The following TACR3 variants were observed in gnomAD, a reference collection of about 807,000 sequenced individuals.
The protein encoded by TACR3 is neuromedin-K receptor.
Under a neutral mutation model 35.0 loss-of-function variants are expected in TACR3, and 34 were observed. The observed-to-expected ratio is 0.97, with a 90% CI of 0.74 to 1.30. The LOEUF (loss-of-function observed/expected upper bound fraction) is 1.30. Among genes scored for constraint, TACR3 ranks in the 50% most tolerant of loss-of-function variants. The probability of loss-of-function intolerance (pLI) is 0.00; values close to 1 mark genes in which losing one functional copy is unlikely to be tolerated. For missense variants in TACR3, 558 were observed against 591.7 expected (o/e 0.94, Z 0.59); for synonymous variants, 233 against 221.1 (o/e 1.05, Z -0.48).
intron 3 of TACR3, among the ~76,000 whole-genome samples, chr4:103,652,944 T>C (rs1725654054): frequency 1.3e-5 from 2 of 152,040 alleles, no homozygotes; most frequent in Admixed American, 6.6e-5. Context: ...ATTTTGACTT[T>C]AGATAAAAAG....
intron 1 of TACR3, among the ~76,000 whole-genome samples, chr4:103,663,516 A>T (rs1216317314): frequency 6.8e-6 from 1 of 147,472 alleles, no homozygotes; most frequent in African/African-American, 2.7e-5. Flanking sequence ...AAACATATAT[A>T]TAAAGAATGG....
intron 3 of TACR3, among the ~76,000 whole-genome samples, chr4:103,592,123 G>A (rs572313408): frequency 1.3e-5 from 2 of 152,236 alleles, no homozygotes; most frequent in African/African-American, 4.8e-5. Context: ...GTTCAAGTCA[G>A]TACTCTTCTA....
chr4:103,613,360 T>TA (rs1295772580), intron 3 of TACR3, among the ~76,000 whole-genome samples: 1 of 152,186 alleles, frequency 6.6e-6, no homozygotes, highest in Non-Finnish European at 1.5e-5. Context: ...ATAATGCTTT[T>TA]AAGCATTACT....
At chr4:103,601,476 A>C (rs769124167) in intron 3 of TACR3, among the ~76,000 whole-genome samples, 41 of 152,164 alleles carry the variant, frequency 2.7e-4, no homozygotes, top group Admixed American at 4.6e-4. Context: ...GTTTCTTCCT[A>C]GCCTTGATGG....
chr4:103,719,844 G>GCACTTT lies in TACR3; in HGVS notation c.-170_-169insAAAGTG. 1.2e-6 allele frequency: 1 copy of GCACTTT among 846,774 alleles called. No homozygotes were observed. The highest frequency in any genetic ancestry group is 1.8e-6 in the Non-Finnish European group (1 of 553,414). The allele number at this position is 846,774 out of a possible 1,614,324, so 52.5% of individuals were successfully genotyped here. ...CTGCTGGTTAGGGGATGCAGCTGGG[G>GCACTTT]CTAAGGGGCAACAGCTGCACTTTCT... On this transcript the variant is annotated 5_prime_UTR_variant, in exon 1 of 5. Coordinates refer to ENST00000304883, the MANE Select transcript of TACR3 (RefSeq NM_001059.3).
chr4:103,653,377 A>C (rs571586111), intron 3 of TACR3, among the ~76,000 whole-genome samples: 2 of 152,056 alleles, frequency 1.3e-5, no homozygotes, highest in Non-Finnish European at 2.9e-5. Context: ...CAAAAGAAAC[A>C]CTCAGATTAA....
At chr4:103,601,283 C>G (rs1450738764) in intron 3 of TACR3, among the ~76,000 whole-genome samples, 3 of 152,016 alleles carry the variant, frequency 2.0e-5, no homozygotes, top group East Asian at 3.9e-4. Flanking sequence ...ATGTGTGTCT[C>G]TGCATGTGAG....
chr4:103,687,016 A>G (rs907540966), intron 1 of TACR3, among the ~76,000 whole-genome samples: 1 of 152,134 alleles, frequency 6.6e-6, no homozygotes, highest in Non-Finnish European at 1.5e-5. Context: ...TGGCAAACCG[A>G]ATCCAGCAGC....
chr4:103,706,017 G>A (rs928183538), intron 1 of TACR3, among the ~76,000 whole-genome samples: 1 of 152,150 alleles, frequency 6.6e-6, no homozygotes, highest in African/African-American at 2.4e-5. Context: ...CCTGGATGCG[G>A]GGAGACCAAT....
chr4:103,626,147 TATCACCTC>T (rs1724886610), intron 3 of TACR3, among the ~76,000 whole-genome samples: 1 of 152,216 alleles, frequency 6.6e-6, no homozygotes, highest in African/African-American at 2.4e-5. Flanking sequence ...TTTCCCTCCC[TATCACCTC>T]ATCACCCTCT....
intron 3 of TACR3, chr4:103,624,632 AC>A (rs1724851238): frequency 6.6e-6 from 1 of 151,988 alleles, no homozygotes; most frequent in African/African-American, 2.4e-5. Context: ...GAAATGAAAT[AC>A]AAATGAAAAT....
intron 3 of TACR3, among the ~76,000 whole-genome samples, chr4:103,619,532 C>T (rs1035950466): frequency 2.0e-5 from 3 of 152,120 alleles, no homozygotes; most frequent in Non-Finnish European, 4.4e-5. Flanking sequence ...CCTGACTGCT[C>T]TGGCTGAGAC....
At chr4:103,668,436 G>GCTGA (rs1202090725) in intron 1 of TACR3, among the ~76,000 whole-genome samples, 1 of 152,178 alleles carries the variant, frequency 6.6e-6, no homozygotes, top group Non-Finnish European at 1.5e-5. Flanking sequence ...ATTGGTAGCT[G>GCTGA]CTGACTGATC....
Position 103,658,118 on chromosome 4 carries a change from G to C in TACR3, c.737+97C>G, listed in dbSNP as rs1202482887. On this transcript the variant is annotated intron_variant, in intron 2 of 4. Transcript: ENST00000304883. Reference sequence around the variant, plus strand: ...TTTTCCAAATAATGTATGAACCCTGGGGGAAATGTCAGTCTTATTTAATTG... The same window carrying C: ...TTTTCCAAATAATGTATGAACCCTGCGGGAAATGTCAGTCTTATTTAATTG... The C allele has an allele frequency of 3.3e-6, 4 of 1,204,230 alleles. No individual in the cohort carries two copies. The East Asian group carries it at 9.6e-5, about 29-fold the overall frequency. The allele number at this position is 1,204,230 out of a possible 1,614,324, so 74.6% of individuals were successfully genotyped here. A position where few individuals can be genotyped will look rare whatever the true frequency, so the allele number is the denominator to read the frequency against.
intron 1 of TACR3, among the ~76,000 whole-genome samples, chr4:103,660,887 A>G (rs1221169578): frequency 6.6e-6 from 1 of 152,052 alleles, no homozygotes; most frequent in Non-Finnish European, 1.5e-5. Context: ...AGGGTACATA[A>G]TGTATGTAAT....
rs997663904 is a variant in TACR3, at chr4:103,635,979, C to T, written c.888+20215G>A. On this transcript the variant is annotated intron_variant, in intron 3 of 4. Transcript: ENST00000304883. ...TCTCTCTCTCTTTCTCCCCCTCCCTCGTCCTTCTTCCTCTCTCATAGGCAC... is the reference window on the plus strand; with the variant it reads ...TCTCTCTCTCTTTCTCCCCCTCCCTTGTCCTTCTTCCTCTCTCATAGGCAC... Among the ~76,000 whole-genome samples the T allele has an allele frequency of 4.0e-5, 6 of 150,064 alleles. No individual in the cohort carries two copies. The Admixed American group carries it at 4.0e-4, about 10-fold the overall frequency.
At chr4:103,679,755 G>A (rs903047066) in intron 1 of TACR3, among the ~76,000 whole-genome samples, 2 of 151,778 alleles carry the variant, frequency 1.3e-5, no homozygotes, top group Non-Finnish European at 2.9e-5. Flanking sequence ...GGTGACTGTA[G>A]ATAACTGCAG....
chr4:103,680,754 G>A (rs1046723932), intron 1 of TACR3, among the ~76,000 whole-genome samples: 2 of 151,464 alleles, frequency 1.3e-5, no homozygotes, highest in African/African-American at 4.8e-5. Context: ...AGATTTTCTG[G>A]TTTTGTTTTC....
At chr4:103,634,813 T>G (rs1368328645) in intron 3 of TACR3, among the ~76,000 whole-genome samples, 1 of 152,114 alleles carries the variant, frequency 6.6e-6, no homozygotes, top group East Asian at 1.9e-4. Flanking sequence ...GGTGATTATT[T>G]TAAAAGGTTT....
Sources: gnomAD v4.1 joint callset for allele counts (sites outside exome capture counted in the v4.1 genomes callset) on GRCh38, gnomAD v4.1.1 for gene constraint, MANE v1.5 for transcripts, NCBI Gene and HGNC (gene_info 2026-07-23, HGNC 2026-07-21) for gene names.